The following TSFM variants were observed in gnomAD, a reference collection of about 807,000 sequenced individuals.
The protein encoded by TSFM is elongation factor Ts, mitochondrial.
Under a neutral mutation model 33.4 loss-of-function variants are expected in TSFM, and 29 were observed. The observed-to-expected ratio is 0.87, with a 90% CI of 0.65 to 1.18. TSFM has a LOEUF of 1.18. Among genes scored for constraint, TSFM ranks in the 50% most tolerant of loss-of-function variants. The pLI is 0.00. For missense variants in TSFM, 394 were observed against 395.6 expected (o/e 1.00, Z 0.04); for synonymous variants, 178 against 163.5 (o/e 1.09, Z -0.68).
At position 57,782,815 on chromosome 12, in the gene TSFM, G is replaced by C. The variant is rs896713530; in HGVS notation, c.14G>C (p.Arg5Pro). 2 of 1,593,298 alleles carry C rather than the reference G, an allele frequency of 1.3e-6. No individual in the cohort carries two copies. Among genetic ancestry groups the C allele is most frequent in the Non-Finnish European group, 1.7e-6 (2 of 1,170,802 alleles). Residue 5 changes from arginine (R) to proline (P), a missense_variant, in exon 1 of 6, where the codon CGG becomes CCG. Coordinates refer to ENST00000652027, the MANE Select transcript of TSFM (RefSeq NM_005726.6). MSLL[R>P]SLRVFLVART... ...GCGGCTAGAGAGATGTCGCTGCTGC[G>C]GTCGCTGCGCGTGTTTCTGGTCGCG... is the stretch of plus-strand genomic sequence containing the variant.
Position 57,796,850 on chromosome 12 carries a change from T to G in TSFM, c.*267T>G, listed in dbSNP as rs1303449081. The G allele has an allele frequency of 9.0e-7, 1 of 1,105,626 alleles. No homozygotes were observed. The highest frequency in any genetic ancestry group is 1.6e-5 in the African/African-American group (1 of 61,544). 68.5% of individuals were successfully genotyped at this position (1,105,626 alleles called of 1,614,324 possible). A position where few individuals can be genotyped will look rare whatever the true frequency, so the allele number is the denominator to read the frequency against. On this transcript the variant is annotated 3_prime_UTR_variant, in exon 6 of 6. Coordinates refer to ENST00000652027, the MANE Select transcript of TSFM (RefSeq NM_005726.6). ...TACTGCTGCTCCCTTCAACATAGAT[T>G]TATTATGGTATTTCTGAAATTTCTA...
intron 4 of TSFM, among the ~76,000 whole-genome samples, chr12:57,790,437 C>T (rs531020805): frequency 6.6e-6 from 1 of 152,226 alleles, no homozygotes; most frequent in East Asian, 1.9e-4. Flanking sequence ...GTGCTGTGTG[C>T]GTGTGGTTCA....
intron 5 of TSFM, 75 bp from the exon 6 acceptor site, chr12:57,796,101 CT>C: frequency 7.3e-7 from 1 of 1,375,842 alleles, no homozygotes; most frequent in South Asian, 1.5e-5. Context: ...AACTGGGCCT[CT>C]TCTGTGCATA....
At chr12:57,783,470 C>T (rs1268180177) in intron 2 of TSFM, 187 bp downstream of exon 2, 3 of 750,466 alleles carry the variant, frequency 4.0e-6, no homozygotes, top group Non-Finnish European at 7.2e-6. Context: ...GTTGAGTATC[C>T]CAGGATTAAC....
intron 2 of TSFM, among the ~76,000 whole-genome samples, chr12:57,784,970 A>G (rs1426521075): frequency 9.0e-6 from 1 of 110,960 alleles, no homozygotes; most frequent in African/African-American, 3.5e-5. Context: ...TCTGTCCCCC[A>G]GGCTGGACTG....
At chr12:57,784,058 A>G (rs773526231) in intron 2 of TSFM, 7 of 702,792 alleles carry the variant, frequency 1.0e-5, no homozygotes, top group African/African-American at 1.7e-5. Flanking sequence ...ACACAAACCT[A>G]GATGGTATAT....
chr12:57,802,382 G>A (rs1233605115), downstream of TSFM: 67 of 1,573,554 alleles, frequency 4.3e-5, no homozygotes, highest in Non-Finnish European at 5.8e-5. Flanking sequence ...ATGTTACTGT[G>A]TTCATACCAA....
In TSFM at chr12:57,782,846, C is replaced by T. The variant is rs1220367597; in HGVS notation, c.45C>T (p.Thr15=). The change falls in exon 1 of 6, where the codon ACC becomes ACT. Residue 15 remains threonine (T), a synonymous_variant. Coordinates refer to ENST00000652027, the MANE Select transcript of TSFM (RefSeq NM_005726.6). Reference sequence around the variant, plus strand: ...TGCGCGTGTTTCTGGTCGCGCGGACCGGGAGCTACCCGGTGAGAAGTCCTG... The same window carrying T: ...TGCGCGTGTTTCTGGTCGCGCGGACTGGGAGCTACCCGGTGAGAAGTCCTG... ...RSLRVFLVAR[T]GSYPAGSLLR... is the part of the protein sequence containing the mutation. 6.9e-6 allele frequency: 11 copies of T among 1,594,536 alleles called. No individual in the cohort carries two copies. The Admixed American group carries it at 1.2e-4, about 18-fold the overall frequency.
At chr12:57,801,176 C>G (rs1326107379), downstream of TSFM, 6 of 1,613,622 alleles carry the variant, frequency 3.7e-6, no homozygotes, top group African/African-American at 6.7e-5. Flanking sequence ...GCAGCATCTC[C>G]CAGCTCTTCT....
At chr12:57,788,364 C>T (rs1595139554) in intron 4 of TSFM, among the ~76,000 whole-genome samples, 1 of 152,082 alleles carries the variant, frequency 6.6e-6, no homozygotes, top group East Asian at 1.9e-4. Flanking sequence ...ACTGCAACCT[C>T]CACCTCCTGG....
At position 57,793,048 on chromosome 12, in the gene TSFM, C is replaced by T. The variant is rs760332558; in HGVS notation, c.546C>T (p.Leu182=). 1.2e-6 allele frequency: 2 copies of T among 1,613,648 alleles called. No homozygotes were observed. Among genetic ancestry groups the T allele is most frequent in the Admixed American group, 3.3e-5 (2 of 59,976 alleles). ...CTGGGCCTGACAGAGAAGGCTCACTCAAGGATCAGTTGGCTTTAGCAATTG... is the reference window on the plus strand; with the variant it reads ...CTGGGCCTGACAGAGAAGGCTCACTTAAGGATCAGTTGGCTTTAGCAATTG... ...LPAGPDREGS[L]KDQLALAIGK... The change falls in exon 5 of 6, where the codon CTC becomes CTT. Residue 182 remains leucine, a synonymous_variant. Transcript: ENST00000652027.
At chr12:57,788,933 CTAT>C (rs1955625763) in intron 4 of TSFM, among the ~76,000 whole-genome samples, 1 of 150,896 alleles carries the variant, frequency 6.6e-6, no homozygotes, top group Non-Finnish European at 1.5e-5. Context: ...ACAGCTGGCC[CTAT>C]CACTTTTTAT....
chr12:57,783,382 G>C, intron 2 of TSFM, 99 bp downstream of exon 2: 1 of 1,393,820 alleles, frequency 7.2e-7, no homozygotes, highest in Non-Finnish European at 1.0e-6. Flanking sequence ...GCTCTTCAGT[G>C]ACCATAATGG....
At chr12:57,795,671 A>G (rs561246472) in intron 5 of TSFM, among the ~76,000 whole-genome samples, 53 of 152,062 alleles carry the variant, frequency 3.5e-4, no homozygotes, top group Middle Eastern at 6.8e-3. Context: ...ATGGACTGCA[A>G]TGGTACGATC....
chr12:57,793,139 C>G, intron 5 of TSFM, 66 bp downstream of exon 5: 1 of 1,389,358 alleles, frequency 7.2e-7, no homozygotes, highest in Non-Finnish European at 1.0e-6. Context: ...TCTTGTTCCT[C>G]CAAATCTAGG....
downstream of TSFM, chr12:57,799,874 G>A: frequency 6.2e-7 from 1 of 1,614,112 alleles, no homozygotes; most frequent in African/African-American, 1.3e-5. Flanking sequence ...GTAATATTTT[G>A]GCTCACTGTC....
downstream of TSFM, among the ~76,000 whole-genome samples, chr12:57,799,096 T>C (rs1400109662): frequency 6.6e-6 from 1 of 152,082 alleles, no homozygotes; most frequent in Non-Finnish European, 1.5e-5. Context: ...TGAACAAGTA[T>C]AAAGGGACTG....
At chr12:57,793,839 G>A (rs1416059975) in intron 5 of TSFM, among the ~76,000 whole-genome samples, 3 of 152,148 alleles carry the variant, frequency 2.0e-5, no homozygotes, top group Admixed American at 1.3e-4. Flanking sequence ...ATAAAAGGTG[G>A]CAGGACAATT....
intron 3 of TSFM, among the ~76,000 whole-genome samples, 159 bp from the exon 4 acceptor site, chr12:57,786,881 G>C (rs150013189): frequency 6.6e-6 from 1 of 152,310 alleles, no homozygotes; most frequent in East Asian, 1.9e-4. Flanking sequence ...TCTGTTCCAG[G>C]CTAGGAGAGG....
Sources: gnomAD v4.1 joint callset for allele counts (sites outside exome capture counted in the v4.1 genomes callset) on GRCh38, gnomAD v4.1.1 for gene constraint, MANE v1.5 for transcripts, NCBI Gene and HGNC (gene_info 2026-07-23, HGNC 2026-07-21) for gene names.